TIGAR: variants seen among roughly 807,000 people sequenced by gnomAD.
The protein encoded by TIGAR is TP53 induced glycolysis regulatory phosphatase.
A neutral mutation model predicts 17.9 loss-of-function variants in TIGAR; 7 were observed. The observed-to-expected ratio is 0.39, with a 90% CI of 0.22 to 0.73. TIGAR has a LOEUF of 0.73. TIGAR is among the 30% of genes least tolerant of loss of function. The pLI, the probability that TIGAR is intolerant of heterozygous loss-of-function variation, is 0.42. For synonymous variants in TIGAR, 94 were observed against 108.6 expected, an observed-to-expected ratio of 0.87 and a Z score of 0.84; for missense variants, 258 against 327.4, an observed-to-expected ratio of 0.79 and a Z score of 1.64.
intron 2 of TIGAR, chr12:4,335,764 T>C (rs1439346666): frequency 1.3e-5 from 2 of 152,280 alleles, no homozygotes; most frequent in East Asian, 3.8e-4. Context: ...AACTCTAATA[T>C]ATCTGAGCTA....
At chr12:4,332,803 TATAAA>T (rs1864618378) in intron 2 of TIGAR, among the ~76,000 whole-genome samples, 1 of 152,242 alleles carries the variant, frequency 6.6e-6, no homozygotes, top group Non-Finnish European at 1.5e-5. Flanking sequence ...TGGAATTATA[TATAAA>T]ATAATCAGCC....
At position 4,351,275 on chromosome 12, in the gene TIGAR, G is replaced by A; in HGVS notation, c.279G>A (p.Gly93=). Residue 93 remains glycine (G), a synonymous_variant, in exon 5 of 6, where the codon GGG becomes GGA. Coordinates refer to ENST00000179259, the MANE Select transcript of TIGAR (RefSeq NM_020375.3). ...YDSRLRERKY[G]VVEGKALSEL... Reference sequence around the variant, plus strand: ...CTATTGGACTGTTTCAGAAATACGGGGTTGTAGAAGGCAAAGCGCTAAGTG... The same window carrying A: ...CTATTGGACTGTTTCAGAAATACGGAGTTGTAGAAGGCAAAGCGCTAAGTG... 5 of 1,614,076 alleles carry A rather than the reference G, an allele frequency of 3.1e-6. No homozygotes were observed. The highest frequency in any genetic ancestry group is 4.2e-6 in the Non-Finnish European group (5 of 1,179,976).
At position 4,358,363 on chromosome 12, in the gene TIGAR, G is replaced by T. The variant is rs537018847; in HGVS notation, c.*5672G>T. 8.6e-5 allele frequency among the ~76,000 whole-genome samples: 13 copies of T among 151,806 alleles called. No homozygotes were observed. The South Asian group carries it at 2.7e-3, about 32-fold the overall frequency. On this transcript the variant is annotated 3_prime_UTR_variant, in exon 6 of 6. Coordinates refer to ENST00000179259, the MANE Select transcript of TIGAR (RefSeq NM_020375.3). ...AGAGAATAATTACAGTAATGTGTAT[G>T]TGCGTGTGTTTTGGTAATCTTTTAT... is the stretch of plus-strand genomic sequence containing the variant.
At chr12:4,337,965 C>T (rs1565447921) in intron 3 of TIGAR, among the ~76,000 whole-genome samples, 1 of 151,984 alleles carries the variant, frequency 6.6e-6, no homozygotes, top group Non-Finnish European at 1.5e-5. Context: ...ACCCTATCTC[C>T]ACTACAAATA....
chr12:4,354,757 A>T lies in TIGAR; in HGVS notation c.*2066A>T, dbSNP rs1367570027. The stretch of plus-strand genomic sequence containing the variant: ...TCTTTTTTTTTTTTTTTGGAGACAG[A>T]GTCTCTCTCTGTTGCCCAGGCTGGG... On this transcript the variant is annotated 3_prime_UTR_variant, in exon 6 of 6. Transcript: ENST00000179259. Among the ~76,000 whole-genome samples the T allele has an allele frequency of 4.3e-5, 6 of 138,808 alleles. No individual in the cohort carries two copies. Among genetic ancestry groups the T allele is most frequent in the African/African-American group, 1.4e-4 (5 of 37,032 alleles). 91.1% of individuals were successfully genotyped at this position (138,808 alleles called of 152,430 possible). A position where few individuals can be genotyped will look rare whatever the true frequency, so the allele number is the denominator to read the frequency against.
rs1357110811 is a variant in TIGAR, at chr12:4,357,863, G to C, written c.*5172G>C. Among the ~76,000 whole-genome samples the C allele has an allele frequency of 6.6e-6, 1 of 152,132 alleles. No individual in the cohort carries two copies. The highest frequency in any genetic ancestry group is 1.9e-4 in the East Asian group (1 of 5,190). The stretch of plus-strand genomic sequence containing the variant: ...TCGCACCTGTAATCCCAGCACTTTG[G>C]GAGGCCAAGGCGGGCAGATCACGAG... On this transcript the variant is annotated 3_prime_UTR_variant, in exon 6 of 6. Transcript: ENST00000179259.
intron 2 of TIGAR, among the ~76,000 whole-genome samples, chr12:4,333,796 C>A (rs1864629927): frequency 6.6e-6 from 1 of 152,066 alleles, no homozygotes; most frequent in African/African-American, 2.4e-5. Context: ...GACGGGGTTT[C>A]ACCATGTTGG....
Position 4,359,106 on chromosome 12 carries a change from T to TC in TIGAR, c.*6415_*6416insC, listed in dbSNP as rs1565453649. Among the ~76,000 whole-genome samples, 1 of 6,990 alleles carries TC rather than the reference T, an allele frequency of 1.4e-4. No homozygotes were observed. The highest frequency in any genetic ancestry group is 5.0e-4 in the Non-Finnish European group (1 of 1,998). 4.6% of individuals were successfully genotyped at this position (6,990 alleles called of 152,430 possible). ...GCCTTTATTGTTTATTTTCTGACTC[T>TC]GTTTTTTTTTTCTTTAGCCAACTCA... On this transcript the variant is annotated 3_prime_UTR_variant, in exon 6 of 6. Transcript: ENST00000179259.
intron 3 of TIGAR, among the ~76,000 whole-genome samples, chr12:4,341,730 C>T (rs1017419720): frequency 1.2e-4 from 18 of 152,140 alleles, no homozygotes; most frequent in Admixed American, 5.9e-4. Flanking sequence ...ATACCAAAAC[C>T]CCATCTGTAC....
intron 3 of TIGAR, among the ~76,000 whole-genome samples, chr12:4,340,345 A>G (rs1205297675): frequency 6.6e-6 from 1 of 152,224 alleles, no homozygotes; most frequent in East Asian, 1.9e-4. Context: ...TAACCAAAGA[A>G]GTGAAAGAGC....
chr12:4,328,604 T>C (rs1864571397), intron 1 of TIGAR, among the ~76,000 whole-genome samples: 1 of 141,546 alleles, frequency 7.1e-6, no homozygotes, highest in Non-Finnish European at 1.5e-5. Context: ...GGAGACAGAG[T>C]CTTGCTCTGT....
chr12:4,357,694 C>T lies in TIGAR; in HGVS notation c.*5003C>T, dbSNP rs988567463. On this transcript the variant is annotated 3_prime_UTR_variant, in exon 6 of 6. Transcript: ENST00000179259. ...TTGGTTCATTGTTCAGCAATATGGC[C>T]TAAGGGGGTGATTTCTTCATTGATA... is the stretch of plus-strand genomic sequence containing the variant. Among the ~76,000 whole-genome samples, 17 of 152,086 alleles carry T rather than the reference C, an allele frequency of 1.1e-4. No individual in the cohort carries two copies. The highest frequency in any genetic ancestry group is 3.9e-4 in the African/African-American group (16 of 41,414).
chr12:4,331,981 C>G (rs1864608171), intron 2 of TIGAR, among the ~76,000 whole-genome samples: 1 of 152,138 alleles, frequency 6.6e-6, no homozygotes, highest in African/African-American at 2.4e-5. Context: ...GTGCCTGACT[C>G]CCTTTTATGG....
Position 4,321,325 on chromosome 12 carries a change from T to C in TIGAR, c.32+22T>C. On this transcript the variant is annotated intron_variant, in intron 1 of 5. Coordinates refer to ENST00000179259, the MANE Select transcript of TIGAR (RefSeq NM_020375.3). The surrounding 1 kb of genome is among the most constrained non-coding windows in gnomAD (Gnocchi z 5.2). ...GGCAGTGAGTATGGCTGTGGCAGGA[T>C]GTCTTTCTCTCTCTCTTCCTTGAGT... The C allele has an allele frequency of 3.1e-6, 5 of 1,600,382 alleles. No individual in the cohort carries two copies. The highest frequency in any genetic ancestry group is 3.4e-6 in the Non-Finnish European group (4 of 1,179,614).
At chr12:4,328,196 A>C (rs771709027) in intron 1 of TIGAR, among the ~76,000 whole-genome samples, 1 of 151,944 alleles carries the variant, frequency 6.6e-6, no homozygotes, top group Non-Finnish European at 1.5e-5. Flanking sequence ...GAGTGTAGGA[A>C]ATCTTTTTTT....
intron 1 of TIGAR, chr12:4,324,348 T>C (rs1160002324): frequency 2.5e-6 from 2 of 800,134 alleles, no homozygotes; most frequent in Non-Finnish European, 4.2e-6. Flanking sequence ...TTTGGAAATA[T>C]GTGTGCCTTT....
At chr12:4,348,175 A>T (rs771335182) in intron 3 of TIGAR, among the ~76,000 whole-genome samples, 3 of 152,114 alleles carry the variant, frequency 2.0e-5, no homozygotes, top group Admixed American at 6.6e-5. Flanking sequence ...AAAATAGGAG[A>T]CATTAGAAGA....
At chr12:4,339,053 AAAT>A (rs1353674565) in intron 3 of TIGAR, among the ~76,000 whole-genome samples, 1 of 151,932 alleles carries the variant, frequency 6.6e-6, no homozygotes, top group Non-Finnish European at 1.5e-5. Context: ...ATTAGAAGAA[AAAT>A]AATAATGATC....
Position 4,356,908 on chromosome 12 carries a change from C to G in TIGAR, c.*4217C>G, listed in dbSNP as rs1166994782. On this transcript the variant is annotated 3_prime_UTR_variant, in exon 6 of 6. Transcript: ENST00000179259. Reference sequence around the variant, plus strand: ...GAGTCGAAACCATGGCTCCCATTCACCTGTCTCTTATTTTCCTGTCCTTCC... The same window carrying G: ...GAGTCGAAACCATGGCTCCCATTCAGCTGTCTCTTATTTTCCTGTCCTTCC... Among the ~76,000 whole-genome samples, 1 of 152,164 alleles carries G rather than the reference C, an allele frequency of 6.6e-6. No individual in the cohort carries two copies. Among genetic ancestry groups the G allele is most frequent in the Non-Finnish European group, 1.5e-5 (1 of 68,044 alleles).
Sources: allele counts gnomAD v4.1 joint callset (sites outside exome capture counted in the v4.1 genomes callset), GRCh38; gene constraint gnomAD v4.1.1; non-coding constraint Gnocchi (gnomAD v3.1); transcripts MANE v1.5; gene names NCBI Gene and HGNC (gene_info 2026-07-23, HGNC 2026-07-21).